The following PHF3 variants were observed in gnomAD, a reference collection of about 807,000 sequenced individuals.
PHF3 encodes PHD finger protein 3.
Under a neutral mutation model 178.4 loss-of-function variants are expected in PHF3, and 41 were observed. The observed-to-expected ratio is 0.23, with a 90% CI of 0.18 to 0.30. The LOEUF (loss-of-function observed/expected upper bound fraction) is 0.30, where lower values mean the gene tolerates loss of function less well. PHF3 is among the 10% of genes least tolerant of loss of function. The pLI is 1.00. For missense variants in PHF3, 2,346 were observed against 2,398.1 expected (o/e 0.98, Z 0.45); for synonymous variants, 842 against 800.5 (o/e 1.05, Z -0.88).
In PHF3 at chr6:63,684,691, G is replaced by T. The variant is rs766571844; in HGVS notation, c.969G>T (p.Lys323Asn). 1.9e-6 allele frequency: 3 copies of T among 1,613,824 alleles called. No homozygotes were observed. The highest frequency in any genetic ancestry group is 1.1e-5 in the South Asian group (1 of 91,060). The change falls in exon 4 of 16, where the codon AAG (lysine) becomes AAT (asparagine). Residue 323 changes from lysine to asparagine, a missense_variant. Physicochemically the swap from Lys to Asn is moderately conservative, Grantham distance 94. Transcript: ENST00000262043. Reference sequence around the variant, plus strand: ...CAAGAAAAGTTGAACAAGATTCAAAGGAGACAGTAAAATTATCCCATGAAG... The same window carrying T: ...CAAGAAAAGTTGAACAAGATTCAAATGAGACAGTAAAATTATCCCATGAAG... ...IATRKVEQDS[K>N]ETVKLSHEDD...
chr6:63,695,122 G>A, intron 6 of PHF3, among the ~76,000 whole-genome samples: 1 of 152,110 alleles, frequency 6.6e-6, no homozygotes, highest in East Asian at 1.9e-4. Context: ...TGGGACTTCT[G>A]TTTTACATGG....
chr6:63,684,367 GTCT>G lies in PHF3; in HGVS notation c.648_650del (p.Ser218del), dbSNP rs1766577621. ...TTGAAGTGGTACCTGAAGTATCAGT[GTCT>G]TCAAGTCATTCTTCAGTGTCATCTT... is the stretch of plus-strand genomic sequence containing the variant. On this transcript the variant is annotated inframe_deletion, in exon 4 of 16. Transcript: ENST00000262043. 1 of 1,613,532 alleles carries G rather than the reference GTCT, an allele frequency of 6.2e-7. No individual in the cohort carries two copies. The highest frequency in any genetic ancestry group is 1.3e-5 in the African/African-American group (1 of 74,914).
intron 10 of PHF3, 90 bp from the exon 11 acceptor site, chr6:63,703,446 G>A: frequency 7.3e-7 from 1 of 1,366,124 alleles, no homozygotes; most frequent in Non-Finnish European, 9.9e-7. Flanking sequence ...CTGCATTTTA[G>A]GAAAATATAA....
At chr6:63,645,770 T>C (rs1250254864) in intron 1 of PHF3, among the ~76,000 whole-genome samples, 1 of 152,210 alleles carries the variant, frequency 6.6e-6, no homozygotes, top group Non-Finnish European at 1.5e-5. Flanking sequence ...ACAATTCAAA[T>C]GGGAGACTAA....
At position 63,711,943 on chromosome 6, in the gene PHF3, A is replaced by G. The variant is rs1214800011; in HGVS notation, c.4355A>G (p.Asn1452Ser). 2 of 1,613,940 alleles carry G rather than the reference A, an allele frequency of 1.2e-6. No individual in the cohort carries two copies. The highest frequency in any genetic ancestry group is 1.1e-5 in the South Asian group (1 of 91,034). The change falls in exon 16 of 16, where the codon AAT (asparagine) becomes AGT (serine). Residue 1452 changes from asparagine to serine, a missense_variant. This residue lies in a region of PHF3 where 839 missense variants were observed against 806.9 expected (regional missense o/e 1.04). Transcript: ENST00000262043. Reference protein sequence around the residue: ...FLPGVLIGWENQPTTLELANK... With the variant: ...FLPGVLIGWESQPTTLELANK... ...CCTGGCGTGTTGATTGGCTGGGAGAATCAACCTACTACTCTGGAATTAGCA... is the reference window on the plus strand; with the variant it reads ...CCTGGCGTGTTGATTGGCTGGGAGAGTCAACCTACTACTCTGGAATTAGCA...
intron 6 of PHF3, among the ~76,000 whole-genome samples, chr6:63,697,497 G>C (rs1767282401): frequency 6.6e-6 from 1 of 152,170 alleles, no homozygotes; most frequent in Non-Finnish European, 1.5e-5. Flanking sequence ...AATGACATCT[G>C]TCAGTACCAG....
chr6:63,698,645 C>G (rs1221059817), intron 8 of PHF3, 40 bp downstream of exon 8: 1 of 1,396,470 alleles, frequency 7.2e-7, no homozygotes, highest in Non-Finnish European at 9.7e-7. Flanking sequence ...TTCCAACTTT[C>G]CTGAGTACAT....
rs186930352 is a variant in PHF3, at chr6:63,660,123, G to T, written c.244+13328G>T. The stretch of plus-strand genomic sequence containing the variant: ...TTTCCTGTTTAAAGAATATATGTGT[G>T]TTTGTAGGAAAGATGTGTGAGTGCC... On this transcript the variant is annotated intron_variant, in intron 2 of 15. Coordinates refer to ENST00000262043, the MANE Select transcript of PHF3 (RefSeq NM_001370348.2). Among the ~76,000 whole-genome samples, 52 of 152,110 alleles carry T rather than the reference G, an allele frequency of 3.4e-4. No homozygotes were observed. The East Asian group carries it at 5.6e-3, about 16-fold the overall frequency.
rs765180533 is a variant in PHF3, at chr6:63,712,732, A to G, written c.5144A>G (p.Asn1715Ser). ...AACTCGTGTGTTCAGCAGAGTGACAATTTAAAAGTTGCACAAAACTCACCA... is the reference window on the plus strand; with the variant it reads ...AACTCGTGTGTTCAGCAGAGTGACAGTTTAAAAGTTGCACAAAACTCACCA... Reference protein sequence around the residue: ...EKNSCVQQSDNLKVAQNSPSV... With the variant: ...EKNSCVQQSDSLKVAQNSPSV... Residue 1715 changes from asparagine to serine, a missense_variant, in exon 16 of 16, where the codon AAT becomes AGT. Asn to Ser is a conservative substitution (Grantham distance 46). Coordinates refer to ENST00000262043, the MANE Select transcript of PHF3 (RefSeq NM_001370348.2). The G allele has an allele frequency of 1.3e-4, 214 of 1,613,848 alleles. No homozygotes were observed. Among genetic ancestry groups the G allele is most frequent in the Non-Finnish European group, 1.8e-4 (208 of 1,179,964 alleles).
At chr6:63,638,418 A>T (rs768415554) in intron 1 of PHF3, among the ~76,000 whole-genome samples, 2 of 152,046 alleles carry the variant, frequency 1.3e-5, no homozygotes, top group Non-Finnish European at 2.9e-5. Context: ...ACATGGTGGG[A>T]TGGTGTTTGC....
chr6:63,670,454 G>A (rs920034398), intron 2 of PHF3, among the ~76,000 whole-genome samples: 3 of 151,944 alleles, frequency 2.0e-5, no homozygotes, highest in African/African-American at 7.2e-5. Context: ...ATTTTTAGTA[G>A]AGATGGGGTT....
At position 63,720,691 on chromosome 6, in the gene PHF3, C is replaced by A; in HGVS notation, c.*6983C>A. 1 of 1,548,170 alleles carries A rather than the reference C, an allele frequency of 6.5e-7. No individual in the cohort carries two copies. The highest frequency in any genetic ancestry group is 1.4e-5 in the African/African-American group (1 of 72,950). On this transcript the variant is annotated 3_prime_UTR_variant, in exon 16 of 16. Coordinates refer to ENST00000262043, the MANE Select transcript of PHF3 (RefSeq NM_001370348.2). ...TTTGGTTCCTGAAAAAATACAACAT[C>A]TTTAATTTTGCCAACAAAATTGGTT...
rs1401410968 is a variant in PHF3, at chr6:63,721,923, A to G, written c.*8215A>G. ...AAAAAAGTAACAGATCTTGAGCACAATTGTGTTAGTTTTGTTTCCACTCAC... is the reference window on the plus strand; with the variant it reads ...AAAAAAGTAACAGATCTTGAGCACAGTTGTGTTAGTTTTGTTTCCACTCAC... On this transcript the variant is annotated 3_prime_UTR_variant, in exon 16 of 16. Coordinates refer to ENST00000262043, the MANE Select transcript of PHF3 (RefSeq NM_001370348.2). 2.5e-5 allele frequency: 21 copies of G among 839,004 alleles called. No homozygotes were observed. In the Middle Eastern group the frequency reaches 1.1e-3, roughly 43 times the overall value. The allele number at this position is 839,004 out of a possible 1,614,324, so 52.0% of individuals were successfully genotyped here. A position where few individuals can be genotyped will look rare whatever the true frequency, so the allele number is the denominator to read the frequency against.
At position 63,715,786 on chromosome 6, in the gene PHF3, C is replaced by G. The variant is rs1054047128; in HGVS notation, c.*2078C>G. ...AATAGGGAAGGTATGGTCATATTAG[C>G]TATTTGAGGTTTTCCTTTTGAGGAA... On this transcript the variant is annotated 3_prime_UTR_variant, in exon 16 of 16. Coordinates refer to ENST00000262043, the MANE Select transcript of PHF3 (RefSeq NM_001370348.2). Among the ~76,000 whole-genome samples the G allele has an allele frequency of 2.6e-5, 4 of 151,886 alleles. No homozygotes were observed. Among genetic ancestry groups the G allele is most frequent in the Admixed American group, 2.0e-4 (3 of 15,216 alleles).
chr6:63,680,398 ATTTTTTT>A (rs994238749), intron 3 of PHF3, among the ~76,000 whole-genome samples: 57 of 117,602 alleles, frequency 4.8e-4, no homozygotes, highest in East Asian at 1.4e-3. Context: ...AGCTGGTTTA[ATTTTTTT>A]TTTTTTTTTT....
In PHF3 at chr6:63,720,459, C is replaced by T. The variant is rs1271744448; in HGVS notation, c.*6751C>T. On this transcript the variant is annotated 3_prime_UTR_variant, in exon 16 of 16. Transcript: ENST00000262043. ...CTTCAGTGACATTTTACAATCTTAT[C>T]AAAAAGATATGTTAGCATTTAGACT... 1 of 612,756 alleles carries T rather than the reference C, an allele frequency of 1.6e-6. No homozygotes were observed. Among genetic ancestry groups the T allele is most frequent in the South Asian group, 3.2e-5 (1 of 31,418 alleles). The allele number at this position is 612,756 out of a possible 1,614,324, so 38.0% of individuals were successfully genotyped here. A position where few individuals can be genotyped will look rare whatever the true frequency, so the allele number is the denominator to read the frequency against.
rs993531854 is a variant in PHF3, at chr6:63,722,077, T to C, written c.*8369T>C. 2.0e-5 allele frequency among the ~76,000 whole-genome samples: 3 copies of C among 152,154 alleles called. No homozygotes were observed. Among genetic ancestry groups the C allele is most frequent in the Admixed American group, 1.3e-4 (2 of 15,254 alleles). On this transcript the variant is annotated 3_prime_UTR_variant, in exon 16 of 16. Transcript: ENST00000262043. ...TAGTAAGTTAAAGTGAGGTTTTTCT[T>C]CAAATGAAAGCCTGTTCCTTATGAT...
intron 6 of PHF3, 34 bp downstream of exon 6, chr6:63,694,798 T>C: frequency 4.3e-6 from 5 of 1,163,698 alleles, no homozygotes; most frequent in Middle Eastern, 2.5e-4. Context: ...TATATACTAA[T>C]ATATTTATAT....
Position 63,685,550 on chromosome 6 carries a change from C to A in PHF3, c.1828C>A (p.Pro610Thr). Residue 610 changes from proline (P) to threonine (T), a missense_variant, in exon 4 of 16, where the codon CCT becomes ACT. Pro to Thr is a conservative substitution (Grantham distance 38, BLOSUM62 -1). Coordinates refer to ENST00000262043, the MANE Select transcript of PHF3 (RefSeq NM_001370348.2). ...CGCTCATCCTGGTTGCTTGAAAGAA[C>A]CTCATCATCCTGCACAAACTGGACA... Reference protein sequence around the residue: ...SHAHPGCLKEPHHPAQTGHVS... With the variant: ...SHAHPGCLKETHHPAQTGHVS... 1 of 1,614,100 alleles carries A rather than the reference C, an allele frequency of 6.2e-7. No homozygotes were observed. The highest frequency in any genetic ancestry group is 8.5e-7 in the Non-Finnish European group (1 of 1,180,004).
Sources: gnomAD v4.1 joint callset for allele counts (sites outside exome capture counted in the v4.1 genomes callset) on GRCh38, gnomAD v4.1.1 for gene constraint, gnomAD v4.1.1 regional missense constraint, MANE v1.5 for transcripts, NCBI Gene and HGNC (gene_info 2026-07-23, HGNC 2026-07-21) for gene names.